PCNX3: variants seen among roughly 807,000 people sequenced by gnomAD.
PCNX3 encodes pecanex 3, also known as pecanex-like protein 3.
Under a neutral mutation model 207.2 loss-of-function variants are expected in PCNX3, and 58 were observed. The ratio of observed to expected loss-of-function variants is 0.28; its 90% CI spans 0.23 to 0.35. The LOEUF (loss-of-function observed/expected upper bound fraction) is 0.35, where lower values mean the gene tolerates loss of function less well. Among genes scored for constraint, PCNX3 ranks in the 10% least tolerant of loss-of-function variants. The probability of loss-of-function intolerance (pLI) is 1.00; values close to 1 mark genes in which losing one functional copy is unlikely to be tolerated. For synonymous variants in PCNX3, 1,337 were observed against 1,183.5 expected, an observed-to-expected ratio of 1.13 and a Z score of -2.66; for missense variants, 2,410 against 2,774.4, an observed-to-expected ratio of 0.87 and a Z score of 2.95.
intron 2 of PCNX3, 81 bp downstream of exon 2, chr11:65,617,092 A>G: frequency 1.4e-6 from 2 of 1,448,784 alleles, no homozygotes; most frequent in African/African-American, 1.4e-5. Context: ...GTAGGGGCTT[A>G]GGGAACATTG....
chr11:65,617,598 G>C lies in PCNX3; in HGVS notation c.482-13G>C. ...AGGGGGTCCTGCTGACACCTCTGGG[G>C]CCATGGTTGCAGACATCAAGGAGCT... On this transcript the variant is annotated splice_polypyrimidine_tract_variant and intron_variant, in intron 4 of 34. Coordinates refer to ENST00000355703, the MANE Select transcript of PCNX3 (RefSeq NM_032223.4). 1 of 1,613,060 alleles carries C rather than the reference G, an allele frequency of 6.2e-7. No individual in the cohort carries two copies. The highest frequency in any genetic ancestry group is 8.5e-7 in the Non-Finnish European group (1 of 1,179,534).
intron 8 of PCNX3, 79 bp downstream of exon 8, chr11:65,620,011 C>A (rs1316889797): frequency 2.8e-6 from 4 of 1,417,566 alleles, no homozygotes; most frequent in Non-Finnish European, 3.8e-6. Flanking sequence ...CAGTGGTGCT[C>A]GCTCGGCCCT....
At chr11:65,620,799 T>TG (rs1855049987) in intron 9 of PCNX3, 32 bp from the exon 10 acceptor site, 6 of 1,586,658 alleles carry the variant, frequency 3.8e-6, no homozygotes, top group Non-Finnish European at 5.1e-6. Context: ...GGCTCGCCCG[T>TG]GGGGGGATCC....
chr11:65,625,956 C>T lies in PCNX3; in HGVS notation c.3281C>T (p.Thr1094Ile). Residue 1094 changes from threonine (T) to isoleucine (I), a missense_variant, in exon 20 of 35, where the codon ACA becomes ATA. By Grantham distance (89) the Thr-to-Ile change is moderately conservative. This residue lies in a region of PCNX3 where 333 missense variants were observed against 386.8 expected (regional missense o/e 0.86). Coordinates refer to ENST00000355703, the MANE Select transcript of PCNX3 (RefSeq NM_032223.4). This position sits in a 1 kb window ranked among gnomAD's most constrained non-coding sequence, Gnocchi z 5.6. ...CTGGCTGGGGCCGTGGGCTTCTTCA[C>T]ACATTACCTGCTGCCACAACTCCGC... ...YALAGAVGFF[T>I]HYLLPQLRKQ... 6.2e-7 allele frequency: 1 copy of T among 1,613,860 alleles called. No homozygotes were observed.
At chr11:65,633,210 T>A (rs946855268) in intron 27 of PCNX3, among the ~76,000 whole-genome samples, 2 of 152,230 alleles carry the variant, frequency 1.3e-5, no homozygotes, top group Non-Finnish European at 2.9e-5. Context: ...CCTCACTGGC[T>A]GCCCTGCCGG....
In PCNX3 at chr11:65,636,847, C is replaced by T. The variant is rs1855870980; in HGVS notation, c.5974C>T (p.Gln1992Ter). The change falls in exon 35 of 35, where the codon CAG becomes TAG. Residue 1992 changes from glutamine (Q) to a stop codon, truncating the protein, a stop_gained. Coordinates refer to ENST00000355703, the MANE Select transcript of PCNX3 (RefSeq NM_032223.4). LOFTEE classifies it high-confidence loss of function. ...STEASPPRAS[Q>*]DIPCLDSSAP... ...TGAGGCCTCACCCCCCAGAGCTTCC[C>T]AGGACATTCCTTGCTTGGACAGCAG... 1 of 1,550,996 alleles carries T rather than the reference C, an allele frequency of 6.4e-7. No individual in the cohort carries two copies. Among genetic ancestry groups the T allele is most frequent in the African/African-American group, 1.4e-5 (1 of 72,792 alleles).
Position 65,618,600 on chromosome 11 carries a change from T to C in PCNX3, c.1238T>C (p.Leu413Pro), listed in dbSNP as rs1854886690. The change falls in exon 6 of 35, where the codon CTT (leucine) becomes CCT (proline). Residue 413 changes from leucine (L) to proline (P), a missense_variant. Leu to Pro is a moderately conservative substitution (Grantham distance 98). Transcript: ENST00000355703. Reference sequence around the variant, plus strand: ...GGCCGTGCCCCTCGACGGCCCCTGCTTGAAGGTGGGGGCTTCTTTGAGGAT... The same window carrying C: ...GGCCGTGCCCCTCGACGGCCCCTGCCTGAAGGTGGGGGCTTCTTTGAGGAT... ...PPGRAPRRPL[L>P]EGGGFFEDED... The C allele has an allele frequency of 1.2e-6, 2 of 1,612,328 alleles. No homozygotes were observed. The highest frequency in any genetic ancestry group is 1.7e-6 in the Non-Finnish European group (2 of 1,179,810).
At chr11:65,617,219 G>A (rs1184262748) in intron 2 of PCNX3, 31 bp from the exon 3 acceptor site, 6 of 1,565,818 alleles carry the variant, frequency 3.8e-6, no homozygotes, top group Admixed American at 1.9e-5. Flanking sequence ...GGAGAGGTTA[G>A]CTCAAAGCTG....
intron 12 of PCNX3, 65 bp from the exon 13 acceptor site, chr11:65,623,864 T>C: frequency 6.2e-7 from 1 of 1,607,444 alleles, no homozygotes; most frequent in East Asian, 2.2e-5. Context: ...GCTGAACAGG[T>C]CTGGGGCCTC....
intron 28 of PCNX3, 84 bp from the exon 29 acceptor site, chr11:65,634,454 C>T: frequency 2.6e-6 from 4 of 1,510,234 alleles, no homozygotes; most frequent in Non-Finnish European, 3.6e-6. Context: ...TCTGAGCCTC[C>T]CTTAGCCTGA....
At position 65,626,977 on chromosome 11, in the gene PCNX3, C is replaced by T. The variant is rs762591036; in HGVS notation, c.3453C>T (p.Pro1151=). ...LQCVEKYLIY[P]AVVLNALTVD... is the part of the protein sequence containing the mutation. ...GCGTAGAGAAGTACCTCATCTACCC[C>T]GCCGTGGTGCTCAACGCCCTCACGG... Residue 1151 remains proline (P), a synonymous_variant, in exon 21 of 35, where the codon CCC becomes CCT. Coordinates refer to ENST00000355703, the MANE Select transcript of PCNX3 (RefSeq NM_032223.4). The T allele has an allele frequency of 3.2e-5, 50 of 1,560,664 alleles. No homozygotes were observed. The highest frequency in any genetic ancestry group is 2.5e-4 in the Admixed American group (13 of 51,894).
Position 65,618,368 on chromosome 11 carries a change from G to A in PCNX3, c.1006G>A (p.Asp336Asn), listed in dbSNP as rs776588398. Residue 336 changes from aspartate (D) to asparagine (N), a missense_variant, in exon 6 of 35, where the codon GAC (aspartate) becomes AAC (asparagine). Asp to Asn is a conservative substitution (Grantham distance 23). Around this residue, in one of 8 missense-constraint regions of PCNX3, gnomAD observed 1,104 missense variants for 970.3 expected, o/e 1.14. Coordinates refer to ENST00000355703, the MANE Select transcript of PCNX3 (RefSeq NM_032223.4). ...PPGGPAPEGSDTDPPSEAELP... is the reference protein window; with the variant it reads ...PPGGPAPEGSNTDPPSEAELP... ...AGGGGGGCCAGCCCCTGAGGGCAGC[G>A]ACACAGACCCACCCTCTGAGGCTGA... The A allele has an allele frequency of 6.8e-6, 11 of 1,612,526 alleles. No homozygotes were observed. Among genetic ancestry groups the A allele is most frequent in the South Asian group, 3.3e-5 (3 of 91,070 alleles).
chr11:65,619,865 T>C lies in PCNX3; in HGVS notation c.1941T>C (p.Asn647=), dbSNP rs758018017. ...SSLLLTRAGA[N]VHEACTFDDT... is the part of the protein sequence containing the mutation. ...TGTTGCTCACCCGGGCCGGTGCCAA[T>C]GTGCATGAGGCCTGCACCTTTGATG... The change falls in exon 8 of 35, where the codon AAT becomes AAC. Residue 647 remains asparagine (N), a synonymous_variant. Coordinates refer to ENST00000355703, the MANE Select transcript of PCNX3 (RefSeq NM_032223.4). The C allele has an allele frequency of 1.1e-5, 17 of 1,611,314 alleles. No homozygotes were observed. The highest frequency in any genetic ancestry group is 1.4e-5 in the Non-Finnish European group (17 of 1,179,678).
intron 23 of PCNX3, 44 bp from the exon 24 acceptor site, chr11:65,628,775 G>GGGGGTGGGGGGGGGGGGGGGGGC: frequency 6.7e-7 from 1 of 1,500,492 alleles, no homozygotes; most frequent in Non-Finnish European, 9.1e-7. Context: ...GTGGTGGGGG[G>GGGGGTGGGGGGGGGGGGGGGGGC]CTGGGAGGTC....
rs1445927065 is a variant in PCNX3, at chr11:65,628,711, G to A, written c.3811+8G>A. 6.2e-7 allele frequency: 1 copy of A among 1,610,392 alleles called. No homozygotes were observed. ...AGCCGTTTGCCGTGCCACGTATCCA[G>A]CCTGTGTTTGGGTGGGGGTGTGCAG... On this transcript the variant is annotated splice_region_variant and intron_variant, in intron 23 of 34. Transcript: ENST00000355703.
chr11:65,618,585 C>G lies in PCNX3; in HGVS notation c.1223C>G (p.Pro408Arg), dbSNP rs1303234050. 1.2e-6 allele frequency: 2 copies of G among 1,611,986 alleles called. No homozygotes were observed. The highest frequency in any genetic ancestry group is 2.2e-5 in the East Asian group (1 of 44,876). Residue 408 changes from proline (P) to arginine (R), a missense_variant, in exon 6 of 35, where the codon CCT (proline) becomes CGT (arginine). Physicochemically the swap from Pro to Arg is moderately radical, Grantham distance 103 (BLOSUM62 -2). Transcript: ENST00000355703. ...LRRHSPPGRA[P>R]RRPLLEGGGF... is the part of the protein sequence containing the mutation. ...AGACACTCTCCACCTGGCCGTGCCCCTCGACGGCCCCTGCTTGAAGGTGGG... is the reference window on the plus strand; with the variant it reads ...AGACACTCTCCACCTGGCCGTGCCCGTCGACGGCCCCTGCTTGAAGGTGGG...
Position 65,616,900 on chromosome 11 carries a change from T to C in PCNX3, c.230T>C (p.Val77Ala), listed in dbSNP as rs745362665. The change falls in exon 2 of 35, where the codon GTC (valine) becomes GCC (alanine). Residue 77 changes from valine to alanine, a missense_variant. Physicochemically the swap from Val to Ala is moderately conservative, Grantham distance 64. Around this residue, in one of 8 missense-constraint regions of PCNX3, gnomAD observed 1,104 missense variants for 970.3 expected, o/e 1.14. Coordinates refer to ENST00000355703, the MANE Select transcript of PCNX3 (RefSeq NM_032223.4). ...VAVIFATIKT[V>A]NYRLHAMFDQ... Reference sequence around the variant, plus strand: ...GTCATCTTTGCTACTATCAAGACTGTCAATTATCGGCTTCATGCCATGTTT... The same window carrying C: ...GTCATCTTTGCTACTATCAAGACTGCCAATTATCGGCTTCATGCCATGTTT... 1 of 1,613,650 alleles carries C rather than the reference T, an allele frequency of 6.2e-7. No homozygotes were observed. The highest frequency in any genetic ancestry group is 1.3e-5 in the African/African-American group (1 of 75,048).
In PCNX3 at chr11:65,636,631, G is replaced by A. The variant is rs1855856201; in HGVS notation, c.5834G>A (p.Gly1945Glu). The change falls in exon 34 of 35, where the codon GGA (glycine) becomes GAA (glutamate). Residue 1945 changes from glycine to glutamate, a missense_variant. By Grantham distance (98) the Gly-to-Glu change is moderately conservative. Coordinates refer to ENST00000355703, the MANE Select transcript of PCNX3 (RefSeq NM_032223.4). ...AGCCTGGGGGGCCGGAAGGGGCTGG[G>A]AGGATCTGACGGGGAGCCAGCCTCA... is the stretch of plus-strand genomic sequence containing the variant. ...KWSLGGRKGL[G>E]GSDGEPASGS... 1 of 1,586,892 alleles carries A rather than the reference G, an allele frequency of 6.3e-7. No homozygotes were observed. The highest frequency in any genetic ancestry group is 8.6e-7 in the Non-Finnish European group (1 of 1,168,946).
intron 22 of PCNX3, 26 bp downstream of exon 22, chr11:65,627,608 C>A (rs757766691): frequency 2.4e-5 from 39 of 1,610,482 alleles, no homozygotes; most frequent in Non-Finnish European, 3.1e-5. Flanking sequence ...TGGCCCAGAC[C>A]CCAGGCTGTC....
Sources: allele counts gnomAD v4.1 joint callset (sites outside exome capture counted in the v4.1 genomes callset), GRCh38; gene constraint gnomAD v4.1.1; regional missense constraint gnomAD v4.1.1; non-coding constraint Gnocchi (gnomAD v3.1); transcripts MANE v1.5; gene names NCBI Gene and HGNC (gene_info 2026-07-23, HGNC 2026-07-21).